Variants in COL24A1 observed in about 807,000 individuals in gnomAD.
COL24A1 encodes collagen type XXIV alpha 1 chain.
COL24A1 carries 224 observed loss-of-function variants against 253.9 expected under a neutral mutation model. That is an observed-to-expected ratio of 0.88 (90% CI 0.79 to 0.99). The LOEUF (loss-of-function observed/expected upper bound fraction) is 0.99. COL24A1 is among the 50% of genes least tolerant of loss of function. The pLI is 0.00. For synonymous variants in COL24A1, 685 were observed against 673.7 expected (o/e 1.02, Z -0.26); for missense variants, 2,131 against 2,068.5 (o/e 1.03, Z -0.59).
intron 12 of COL24A1, among the ~76,000 whole-genome samples, chr1:86,042,232 A>G (rs564259748): frequency 6.6e-6 from 1 of 152,188 alleles, no homozygotes; most frequent in Non-Finnish European, 1.5e-5. Context: ...AAGAAAAAAA[A>G]CATTTCGAAT....
chr1:86,055,234 C>T (rs2101715570), intron 10 of COL24A1, among the ~76,000 whole-genome samples: 1 of 152,284 alleles, frequency 6.6e-6, no homozygotes, highest in South Asian at 2.1e-4. Flanking sequence ...AAAGCCCAAA[C>T]CTCAGCATTA....
chr1:85,895,751 T>A (rs1683615229), intron 31 of COL24A1, 107 bp downstream of exon 31: 1 of 847,320 alleles, frequency 1.2e-6, no homozygotes, highest in East Asian at 2.7e-5. Context: ...TGCAAATATA[T>A]ATAATTTTTA....
Position 86,016,994 on chromosome 1 carries a change from G to T in COL24A1, c.2310+157C>A, listed in dbSNP as rs1407101513. Among the ~76,000 whole-genome samples, 3 of 152,004 alleles carry T rather than the reference G, an allele frequency of 2.0e-5. No homozygotes were observed. In the South Asian group the frequency reaches 6.2e-4, roughly 31 times the overall value. ...CCCTAGGATCCCTGTTGCATACCTCGTGACATAACAGAAAAAATGTAGTCC... is the reference window on the plus strand; with the variant it reads ...CCCTAGGATCCCTGTTGCATACCTCTTGACATAACAGAAAAAATGTAGTCC... On this transcript the variant is annotated intron_variant, in intron 19 of 59. Coordinates refer to ENST00000370571, the MANE Select transcript of COL24A1 (RefSeq NM_152890.7).
chr1:86,097,750 G>A (rs950841542), intron 5 of COL24A1, among the ~76,000 whole-genome samples: 2 of 150,784 alleles, frequency 1.3e-5, no homozygotes, highest in South Asian at 2.1e-4. Flanking sequence ...GTCTTTGGAC[G>A]TTATCTGCAT....
At chr1:85,906,264 C>CTTTTTTTTTTTTTTTTCT (rs10526604) in intron 28 of COL24A1, among the ~76,000 whole-genome samples, 2 of 77,848 alleles carry the variant, frequency 2.6e-5, no homozygotes, top group Non-Finnish European at 4.7e-5. Flanking sequence ...ACTGCAAGGT[C>CTTTTTTTTTTTTTTTTCT]TTTTTTTTTT....
At chr1:85,817,984 G>T (rs1159188866) in intron 46 of COL24A1, 50 bp downstream of exon 46, 4 of 1,489,700 alleles carry the variant, frequency 2.7e-6, no homozygotes, top group Non-Finnish European at 3.7e-6. Context: ...TGCTAAAGTT[G>T]CCAGTTCCAT....
intron 28 of COL24A1, among the ~76,000 whole-genome samples, chr1:85,906,816 T>C (rs1684882676): frequency 6.6e-6 from 1 of 151,960 alleles, no homozygotes; most frequent in Admixed American, 6.6e-5. Flanking sequence ...GTTCCACTTC[T>C]TATTGCTTTT....
Position 85,999,835 on chromosome 1 carries a change from A to G in COL24A1, c.2311-12181T>C, listed in dbSNP as rs141181982. On this transcript the variant is annotated intron_variant, in intron 19 of 59. Coordinates refer to ENST00000370571, the MANE Select transcript of COL24A1 (RefSeq NM_152890.7). ...GAACTTTGGTTGGTTCACCTGGGAG[A>G]TGAGAGGGGGGTCTCATAGTTTTTC... 3.1e-4 allele frequency among the ~76,000 whole-genome samples: 47 copies of G among 152,264 alleles called. No homozygotes were observed. The East Asian group carries it at 8.9e-3, about 29-fold the overall frequency.
chr1:85,906,733 GATT>G (rs1219869110), intron 28 of COL24A1, among the ~76,000 whole-genome samples: 1 of 151,840 alleles, frequency 6.6e-6, no homozygotes, highest in African/African-American at 2.4e-5. Flanking sequence ...CTGTATACAT[GATT>G]ATTAGACAAT....
chr1:85,827,888 A>AT (rs1381520219), intron 43 of COL24A1, among the ~76,000 whole-genome samples: 4 of 151,900 alleles, frequency 2.6e-5, no homozygotes, highest in African/African-American at 9.7e-5. Flanking sequence ...GGATTCATTC[A>AT]TTTTTTGAAG....
chr1:85,999,674 GA>G (rs200218990), intron 19 of COL24A1, among the ~76,000 whole-genome samples: 28 of 151,108 alleles, frequency 1.9e-4, no homozygotes, highest in Admixed American at 1.3e-3. Context: ...GAAAAGAAAA[GA>G]AAAAAAAGAT....
At chr1:85,777,130 A>C (rs1668625608) in intron 52 of COL24A1, among the ~76,000 whole-genome samples, 1 of 151,790 alleles carries the variant, frequency 6.6e-6, no homozygotes, top group African/African-American at 2.4e-5. Context: ...TTGTATTTTC[A>C]GTAGAGATGG....
At chr1:85,952,638 G>A (rs901613784) in intron 24 of COL24A1, among the ~76,000 whole-genome samples, 3 of 152,176 alleles carry the variant, frequency 2.0e-5, no homozygotes, top group East Asian at 1.9e-4. Context: ...ACTACAGCCC[G>A]TAGGCTACCT....
At position 86,103,803 on chromosome 1, in the gene COL24A1, T is replaced by C. The variant is rs1056907496; in HGVS notation, c.1599+8764A>G. ...TGGGTGACCTGACCTTTCTCTCTAGTTGCCTTTAACATTTTTCCTTTCCTT... is the reference window on the plus strand; with the variant it reads ...TGGGTGACCTGACCTTTCTCTCTAGCTGCCTTTAACATTTTTCCTTTCCTT... On this transcript the variant is annotated intron_variant, in intron 5 of 59. Transcript: ENST00000370571. Among the ~76,000 whole-genome samples the C allele has an allele frequency of 4.6e-5, 7 of 152,180 alleles. No homozygotes were observed. The East Asian group carries it at 7.7e-4, about 17-fold the overall frequency.
chr1:85,921,325 C>T (rs192984988), intron 24 of COL24A1, among the ~76,000 whole-genome samples: 1 of 152,330 alleles, frequency 6.6e-6, no homozygotes, highest in Non-Finnish European at 1.5e-5. Context: ...TGGAGCCTTG[C>T]TCACTGCTAG....
Position 85,729,713 on chromosome 1 carries a change from A to G in COL24A1, c.*833T>C, listed in dbSNP as rs1454246302. 6.6e-6 allele frequency: 1 copy of G among 152,622 alleles called. No homozygotes were observed. The highest frequency in any genetic ancestry group is 1.5e-5 in the Non-Finnish European group (1 of 68,026). 9.5% of individuals were successfully genotyped at this position (152,622 alleles called of 1,614,324 possible). ...GTACCCCAAACCTACTACTAGATGTAGCTGGCCTATAATAATTTTTACAAC... is the reference window on the plus strand; with the variant it reads ...GTACCCCAAACCTACTACTAGATGTGGCTGGCCTATAATAATTTTTACAAC... On this transcript the variant is annotated 3_prime_UTR_variant, in exon 60 of 60. Transcript: ENST00000370571.
intron 28 of COL24A1, among the ~76,000 whole-genome samples, chr1:85,903,019 C>T (rs1346326744): frequency 6.6e-6 from 1 of 151,970 alleles, no homozygotes; most frequent in African/African-American, 2.4e-5. Context: ...ATATCACACC[C>T]ACCCCATAAA....
At chr1:85,843,917 T>G (rs1349406822) in intron 39 of COL24A1, among the ~76,000 whole-genome samples, 2 of 152,012 alleles carry the variant, frequency 1.3e-5, no homozygotes, top group Admixed American at 1.3e-4. Context: ...ACCTAAAATA[T>G]ATATGCAAAA....
At chr1:86,025,108 C>T (rs535042943) in intron 14 of COL24A1, among the ~76,000 whole-genome samples, 2 of 152,168 alleles carry the variant, frequency 1.3e-5, no homozygotes, top group East Asian at 1.9e-4. Context: ...CAGCATGTCA[C>T]AAATTGAGTG....
Sources: allele counts gnomAD v4.1 joint callset (sites outside exome capture counted in the v4.1 genomes callset), GRCh38; gene constraint gnomAD v4.1.1; transcripts MANE v1.5; gene names NCBI Gene and HGNC (gene_info 2026-07-23, HGNC 2026-07-21).